The following PSPH variants were observed in gnomAD, a reference collection of about 807,000 sequenced individuals.
PSPH encodes phosphoserine phosphatase.
PSPH carries 16 observed loss-of-function variants against 23.4 expected under a neutral mutation model. The ratio of observed to expected loss-of-function variants is 0.68; its 90% CI spans 0.46 to 1.04. PSPH has a LOEUF of 1.04. PSPH is among the 50% of genes least tolerant of loss of function. The pLI, the probability that PSPH is intolerant of heterozygous loss-of-function variation, is 0.00. For synonymous variants in PSPH, 68 were observed against 99.7 expected (o/e 0.68, Z 1.89); for missense variants, 223 against 273.7 (o/e 0.81, Z 1.31).
chr7:56,045,538 C>T (rs1042727482), intron 1 of PSPH, among the ~76,000 whole-genome samples: 1 of 151,984 alleles, frequency 6.6e-6, no homozygotes, highest in African/African-American at 2.4e-5. Context: ...TGACTTTACC[C>T]TACTTACAAA....
At chr7:56,013,529 C>A (rs1260899191) in intron 7 of PSPH, among the ~76,000 whole-genome samples, 2 of 103,578 alleles carry the variant, frequency 1.9e-5, no homozygotes, top group Admixed American at 9.7e-5. Context: ...AAAAATAAAA[C>A]CTCTGCTAGT....
chr7:56,026,348 C>G (rs903361430), intron 3 of PSPH, among the ~76,000 whole-genome samples: 1 of 148,498 alleles, frequency 6.7e-6, no homozygotes, highest in African/African-American at 2.6e-5. Flanking sequence ...TGGTGGCAGG[C>G]ACCTGTAATC....
intron 3 of PSPH, among the ~76,000 whole-genome samples, chr7:56,025,154 G>A (rs936929960): frequency 6.6e-6 from 1 of 151,942 alleles, no homozygotes; most frequent in Non-Finnish European, 1.5e-5. Context: ...CATAATTTAT[G>A]CCCATCACGA....
At chr7:56,024,804 CTTTTT>C (rs11394881) in intron 3 of PSPH, among the ~76,000 whole-genome samples, 1 of 130,096 alleles carries the variant, frequency 7.7e-6, no homozygotes, top group African/African-American at 2.8e-5. Flanking sequence ...ATTAATAAAT[CTTTTT>C]TTTTTTTTTT....
At chr7:56,014,935 C>T in intron 7 of PSPH, 88 bp downstream of exon 7, 1 of 1,346,474 alleles carries the variant, frequency 7.4e-7, no homozygotes, top group Non-Finnish European at 1.0e-6. Flanking sequence ...AAGAGTGAAA[C>T]TCCGTCTCAA....
intron 1 of PSPH, among the ~76,000 whole-genome samples, chr7:56,050,188 C>T (rs1236083647): frequency 6.6e-6 from 1 of 152,146 alleles, no homozygotes; most frequent in Admixed American, 6.6e-5. Context: ...CACCTAAGAG[C>T]ATCATATACC....
In PSPH at chr7:56,037,754, C is replaced by T. The variant is rs549657130; in HGVS notation, c.-291-3648G>A. On this transcript the variant is annotated intron_variant, in intron 1 of 7. Transcript: ENST00000275605. The stretch of plus-strand genomic sequence containing the variant: ...TTGAGATGGAGTCTTGCTCTGTCAC[C>T]CAGGCTGGAGTGCAGTAGCGTGATC... Among the ~76,000 whole-genome samples, 14 of 148,020 alleles carry T rather than the reference C, an allele frequency of 9.5e-5. No homozygotes were observed. The South Asian group carries it at 2.2e-3, about 23-fold the overall frequency.
At chr7:56,050,326 C>T (rs1793848196) in intron 1 of PSPH, among the ~76,000 whole-genome samples, 1 of 152,112 alleles carries the variant, frequency 6.6e-6, no homozygotes, top group Admixed American at 6.5e-5. Context: ...AGTGCAGTGG[C>T]AAGATCATAG....
chr7:56,032,948 TAA>T (rs549761131), intron 2 of PSPH, among the ~76,000 whole-genome samples: 23 of 139,460 alleles, frequency 1.6e-4, no homozygotes, highest in Admixed American at 2.9e-4. Flanking sequence ...CCCTGTCTCT[TAA>T]AAAAAAAAAA....
chr7:56,012,256 G>A (rs1200544796), intron 7 of PSPH, among the ~76,000 whole-genome samples: 5 of 151,708 alleles, frequency 3.3e-5, no homozygotes, highest in South Asian at 2.1e-4. Flanking sequence ...CAGTGGCACC[G>A]TCATGGCTCA....
At chr7:56,014,374 C>T (rs893482299) in intron 7 of PSPH, among the ~76,000 whole-genome samples, 6 of 152,126 alleles carry the variant, frequency 3.9e-5, no homozygotes, top group African/African-American at 1.2e-4. Flanking sequence ...GTTCCTTATT[C>T]ACAACTTTTC....
chr7:56,046,958 C>T (rs1793331487), intron 1 of PSPH, among the ~76,000 whole-genome samples: 1 of 152,098 alleles, frequency 6.6e-6, no homozygotes, highest in Non-Finnish European at 1.5e-5. Flanking sequence ...ATAAACAACC[C>T]TGAGAAAAGC....
intron 1 of PSPH, among the ~76,000 whole-genome samples, chr7:56,040,671 G>C (rs1445312868): frequency 1.3e-5 from 2 of 151,912 alleles, no homozygotes; most frequent in South Asian, 4.1e-4. Context: ...GTGAGGGGGG[G>C]AATGAGGCAG....
At chr7:56,015,245 A>G in intron 6 of PSPH, 74 bp from the exon 7 acceptor site, 1 of 1,544,790 alleles carries the variant, frequency 6.5e-7, no homozygotes, top group Non-Finnish European at 8.9e-7. Flanking sequence ...TGCATAGATG[A>G]TATCTTCACT....
At chr7:56,033,873 T>C (rs1791364746) in intron 2 of PSPH, 88 bp downstream of exon 2, 1 of 152,174 alleles carries the variant, frequency 6.6e-6, no homozygotes, top group Non-Finnish European at 1.5e-5. Context: ...AGAAGAAATG[T>C]AGACTCAGAG....
At chr7:56,012,963 T>A (rs989783071) in intron 7 of PSPH, among the ~76,000 whole-genome samples, 2 of 137,698 alleles carry the variant, frequency 1.5e-5, no homozygotes, top group Non-Finnish European at 3.3e-5. Flanking sequence ...CTATGTGAAA[T>A]GGACACATTT....
chr7:56,017,167 G>C (rs1788668816), intron 6 of PSPH, 67 bp downstream of exon 6: 1 of 1,542,164 alleles, frequency 6.5e-7, no homozygotes, highest in African/African-American at 1.4e-5. Flanking sequence ...GCATTCCAAA[G>C]ACATTACCCA....
chr7:56,028,205 G>A (rs186101284), intron 3 of PSPH, among the ~76,000 whole-genome samples: 261 of 152,188 alleles, frequency 1.7e-3, no homozygotes, highest in African/African-American at 6.0e-3. Flanking sequence ...TTGTAATGTG[G>A]TCCCAAGGAG....
intron 1 of PSPH, among the ~76,000 whole-genome samples, chr7:56,035,376 A>C (rs1791597877): frequency 6.6e-6 from 1 of 152,108 alleles, no homozygotes. Flanking sequence ...TCACTTGCCC[A>C]GCTCCTTGTA....
Sources: allele counts gnomAD v4.1 joint callset (sites outside exome capture counted in the v4.1 genomes callset), GRCh38; gene constraint gnomAD v4.1.1; transcripts MANE v1.5; gene names NCBI Gene and HGNC (gene_info 2026-07-23, HGNC 2026-07-21).